Variants in MLLT10 observed in about 807,000 individuals in gnomAD.
The protein encoded by MLLT10 is protein AF-10.
In MLLT10, 30 loss-of-function variants were observed where a neutral mutation model predicts 129.1. The observed-to-expected ratio is 0.23, with a 90% CI of 0.17 to 0.32. The LOEUF is 0.32. Among genes scored for constraint, MLLT10 ranks in the 10% least tolerant of loss-of-function variants. MLLT10 has a pLI of 1.00. For synonymous variants in MLLT10, 490 were observed against 446.4 expected, an observed-to-expected ratio of 1.10 and a Z score of -1.23; for missense variants, 1,119 against 1,268.3, an observed-to-expected ratio of 0.88 and a Z score of 1.79.
chr10:21,628,431 C>G (rs1446248697), intron 8 of MLLT10, among the ~76,000 whole-genome samples: 1 of 116,000 alleles, frequency 8.6e-6, no homozygotes, highest in African/African-American at 3.5e-5. Context: ...GATGCTCTCT[C>G]TTTTTTTTTT....
At position 21,743,560 on chromosome 10, in the gene MLLT10, C is replaced by T. The variant is rs936310438; in HGVS notation, c.*1577C>T. 5.6e-6 allele frequency: 1 copy of T among 177,810 alleles called. No homozygotes were observed. The highest frequency in any genetic ancestry group is 2.4e-5 in the African/African-American group (1 of 42,212). The allele number at this position is 177,810 out of a possible 1,614,324, so 11.0% of individuals were successfully genotyped here. A position where few individuals can be genotyped will look rare whatever the true frequency, so the allele number is the denominator to read the frequency against. Reference sequence around the variant, plus strand: ...AATTTTGAATGTGTTGTTATTTTACCTAGATGTAAAATTCCACATGTATTA... The same window carrying T: ...AATTTTGAATGTGTTGTTATTTTACTTAGATGTAAAATTCCACATGTATTA... On this transcript the variant is annotated 3_prime_UTR_variant, in exon 23 of 23. Transcript: ENST00000307729.
At chr10:21,679,157 C>T (rs1253611019) in intron 11 of MLLT10, among the ~76,000 whole-genome samples, 2 of 152,136 alleles carry the variant, frequency 1.3e-5, no homozygotes, top group African/African-American at 4.8e-5. Context: ...GATAAATGGC[C>T]TGTTTTATAG....
chr10:21,565,853 G>T (rs191639640), intron 3 of MLLT10, among the ~76,000 whole-genome samples: 1 of 148,770 alleles, frequency 6.7e-6, no homozygotes, highest in East Asian at 2.0e-4. Flanking sequence ...AGACCCTCCT[G>T]TCATGGCCTC....
intron 3 of MLLT10, among the ~76,000 whole-genome samples, chr10:21,545,712 C>T (rs1327455266): frequency 6.6e-6 from 1 of 152,038 alleles, no homozygotes; most frequent in South Asian, 2.1e-4. Flanking sequence ...TTTTTGCCCA[C>T]GCTGGAATCA....
chr10:21,590,127 C>CACGTCGG (rs1215495090), intron 4 of MLLT10, among the ~76,000 whole-genome samples: 6 of 151,918 alleles, frequency 3.9e-5, no homozygotes, highest in African/African-American at 1.5e-4. Flanking sequence ...TTTGTAGAGA[C>CACGTCGG]ACGTCGTCTC....
chr10:21,671,303 T>C (rs945934016), intron 10 of MLLT10, among the ~76,000 whole-genome samples: 2 of 152,192 alleles, frequency 1.3e-5, no homozygotes, highest in Non-Finnish European at 2.9e-5. Context: ...AGGTGTGAGA[T>C]ACTGTTCCTG....
chr10:21,666,536 G>A (rs987408893), intron 9 of MLLT10, among the ~76,000 whole-genome samples: 10 of 151,916 alleles, frequency 6.6e-5, no homozygotes, highest in Non-Finnish European at 1.0e-4. Context: ...GGTGGCAGGT[G>A]TCTGTAGTCC....
At chr10:21,639,240 A>C (rs907697163) in intron 8 of MLLT10, among the ~76,000 whole-genome samples, 1 of 152,204 alleles carries the variant, frequency 6.6e-6, no homozygotes, top group Admixed American at 6.5e-5. Context: ...TCTCCCCACC[A>C]AGCAAGCTGT....
intron 3 of MLLT10, among the ~76,000 whole-genome samples, chr10:21,543,840 A>AT (rs1269251093): frequency 6.6e-6 from 1 of 152,200 alleles, no homozygotes; most frequent in African/African-American, 2.4e-5. Flanking sequence ...AAGAAAGGGC[A>AT]TTGTATTATA....
intron 9 of MLLT10, among the ~76,000 whole-genome samples, chr10:21,655,317 C>T (rs1004388530): frequency 6.6e-6 from 1 of 152,140 alleles, no homozygotes; most frequent in Admixed American, 6.5e-5. Flanking sequence ...CTTTTTCTGT[C>T]AGGGGCTGAA....
At chr10:21,541,963 C>T (rs1299570713) in intron 3 of MLLT10, among the ~76,000 whole-genome samples, 2 of 152,086 alleles carry the variant, frequency 1.3e-5, no homozygotes, top group East Asian at 1.9e-4. Flanking sequence ...ATCTTTATAG[C>T]GTTACTCTTT....
intron 5 of MLLT10, among the ~76,000 whole-genome samples, chr10:21,598,387 G>C (rs1217634420): frequency 1.3e-5 from 2 of 152,066 alleles, no homozygotes; most frequent in African/African-American, 4.8e-5. Flanking sequence ...TGTTATTCCT[G>C]CTGTAGTTCT....
intron 8 of MLLT10, among the ~76,000 whole-genome samples, chr10:21,631,790 G>GT (rs1036096430): frequency 2.6e-5 from 4 of 151,870 alleles, no homozygotes; most frequent in African/African-American, 9.7e-5. Flanking sequence ...CCACCATCAG[G>GT]TTCCCCCCCC....
At chr10:21,714,556 G>A (rs538095169) in intron 14 of MLLT10, among the ~76,000 whole-genome samples, 12 of 152,130 alleles carry the variant, frequency 7.9e-5, no homozygotes, top group East Asian at 3.9e-4. Context: ...TGTTTGAGAC[G>A]GAGTCTCACT....
chr10:21,715,196 T>C (rs2131520907), intron 14 of MLLT10, among the ~76,000 whole-genome samples: 1 of 152,276 alleles, frequency 6.6e-6, no homozygotes, highest in Middle Eastern at 3.4e-3. Flanking sequence ...GCAAGCACAA[T>C]GTTAGGTTAT....
Position 21,678,803 on chromosome 10 carries a change from C to T in MLLT10, c.1622-2529C>T, listed in dbSNP as rs139906815. Among the ~76,000 whole-genome samples the T allele has an allele frequency of 8.5e-3, 1,295 of 152,178 alleles. 13 individuals are homozygous for T. Among genetic ancestry groups the T allele is most frequent in the African/African-American group, 0.027 (1,138 of 41,506 alleles). The stretch of plus-strand genomic sequence containing the variant: ...GCTAATATAATCTCTTATTTGAGTA[C>T]GTTTAAGTTTCTTAGGAACTCTTTA... On this transcript the variant is annotated intron_variant, in intron 11 of 22. Coordinates refer to ENST00000307729, the MANE Select transcript of MLLT10 (RefSeq NM_001195626.3).
Position 21,534,526 on chromosome 10 carries a change from C to T in MLLT10, c.-1+6C>T. 3.8e-6 allele frequency: 4 copies of T among 1,050,800 alleles called. No individual in the cohort carries two copies. Among genetic ancestry groups the T allele is most frequent in the East Asian group, 3.2e-5 (1 of 30,856 alleles). The allele number at this position is 1,050,800 out of a possible 1,614,324, so 65.1% of individuals were successfully genotyped here. On this transcript the variant is annotated splice_donor_region_variant and intron_variant, in intron 1 of 22. Transcript: ENST00000307729. The stretch of plus-strand genomic sequence containing the variant: ...GACTGAGCGGCAAAGCCCGAGTGAG[C>T]GAGCGGTGGGCTGCCGGGCCGGGCG...
At chr10:21,548,376 C>CTTTTT (rs749491589) in intron 3 of MLLT10, among the ~76,000 whole-genome samples, 1 of 140,870 alleles carries the variant, frequency 7.1e-6, no homozygotes, top group Non-Finnish European at 1.6e-5. Flanking sequence ...TCTATCTTAT[C>CTTTTT]TTTTTTTTTT....
intron 13 of MLLT10, among the ~76,000 whole-genome samples, chr10:21,683,706 C>G (rs931192302): frequency 6.6e-6 from 1 of 151,842 alleles, no homozygotes; most frequent in Non-Finnish European, 1.5e-5. Context: ...CTGCCCCATC[C>G]CCAACAGTTA....
Sources: allele counts gnomAD v4.1 joint callset (sites outside exome capture counted in the v4.1 genomes callset), GRCh38; gene constraint gnomAD v4.1.1; transcripts MANE v1.5; gene names NCBI Gene and HGNC (gene_info 2026-07-23, HGNC 2026-07-21).